The following FOCAD variants were observed in gnomAD, a reference collection of about 807,000 sequenced individuals.
FOCAD encodes the protein focadhesin.
In FOCAD, 198 loss-of-function variants were observed where a neutral mutation model predicts 225.6. That is an observed-to-expected ratio of 0.88 (90% CI 0.78 to 0.99). The LOEUF (loss-of-function observed/expected upper bound fraction) is 0.99, where lower values mean the gene tolerates loss of function less well. FOCAD is among the 50% of genes least tolerant of loss of function. The probability of loss-of-function intolerance (pLI) is 0.00; values close to 1 mark genes in which losing one functional copy is unlikely to be tolerated. For missense variants in FOCAD, 2,713 were observed against 2,123.6 expected, an observed-to-expected ratio of 1.28 and a Z score of -5.46; for synonymous variants, 897 against 755.0, an observed-to-expected ratio of 1.19 and a Z score of -3.08.
intron 42 of FOCAD, 86 bp downstream of exon 42, chr9:20,990,460 G>A (rs115882530): frequency 1.3e-6 from 2 of 1,485,686 alleles, no homozygotes; most frequent in African/African-American, 2.8e-5. Context: ...TGGGAGTTAA[G>A]TGCGTCTTGA....
chr9:20,848,184 T>C (rs1488501844), intron 15 of FOCAD, among the ~76,000 whole-genome samples: 2 of 144,188 alleles, frequency 1.4e-5, no homozygotes, highest in Non-Finnish European at 3.1e-5. Context: ...GTCTGTATGC[T>C]TAGCTTCAAG....
intron 35 of FOCAD, among the ~76,000 whole-genome samples, chr9:20,963,396 C>T (rs2132478598): frequency 6.6e-6 from 1 of 152,282 alleles, no homozygotes; most frequent in Admixed American, 6.5e-5. Flanking sequence ...GGTCATATTT[C>T]ACATGGGGTC....
chr9:20,854,734 C>T (rs1464755270), intron 15 of FOCAD, among the ~76,000 whole-genome samples: 2 of 151,736 alleles, frequency 1.3e-5, no homozygotes, highest in East Asian at 3.8e-4. Flanking sequence ...ATCTTATAGA[C>T]AGACTAAGCA....
In FOCAD at chr9:20,815,123, G is replaced by GTGTTTTTTTTTTTTTTTTT. The variant is rs1564024181; in HGVS notation, c.1456-4672_1456-4671insGTTTTTTTTTTTTTTTTTT. Among the ~76,000 whole-genome samples, 99 of 85,390 alleles carry GTGTTTTTTTTTTTTTTTTT rather than the reference G, an allele frequency of 1.2e-3. 22 individuals are homozygous for GTGTTTTTTTTTTTTTTTTT. The highest frequency in any genetic ancestry group is 1.5e-3 in the Non-Finnish European group (68 of 44,552). 56.0% of individuals were successfully genotyped at this position (85,390 alleles called of 152,430 possible). A position where few individuals can be genotyped will look rare whatever the true frequency, so the allele number is the denominator to read the frequency against. Reference sequence around the variant, plus strand: ...TCTGGAAATATCATTACTTCTCTTTGTTTTTTTTTTTTTGTTTTTTTTTTT... The same window carrying GTGTTTTTTTTTTTTTTTTT: ...TCTGGAAATATCATTACTTCTCTTTGTGTTTTTTTTTTTTTTTTTTTTTTTTTTTTTTGTTTTTTTTTTT... On this transcript the variant is annotated intron_variant, in intron 11 of 43. Transcript: ENST00000338382.
chr9:20,971,699 A>G (rs1292520176), intron 35 of FOCAD, among the ~76,000 whole-genome samples: 1 of 152,184 alleles, frequency 6.6e-6, no homozygotes, highest in Non-Finnish European at 1.5e-5. Flanking sequence ...ACAGTTCTCC[A>G]GAACTTTTCA....
chr9:20,903,650 G>A (rs1832728055), intron 21 of FOCAD, among the ~76,000 whole-genome samples: 3 of 151,764 alleles, frequency 2.0e-5, no homozygotes, highest in African/African-American at 7.3e-5. Flanking sequence ...TTTGTCTATT[G>A]TAGTTAGACT....
At chr9:20,836,368 T>C (rs1461173625) in intron 15 of FOCAD, among the ~76,000 whole-genome samples, 1 of 152,102 alleles carries the variant, frequency 6.6e-6, no homozygotes, top group African/African-American at 2.4e-5. Flanking sequence ...TCTTTTGTTG[T>C]TCTTATGTTT....
At chr9:20,817,455 G>GT (rs995830485) in intron 11 of FOCAD, among the ~76,000 whole-genome samples, 25 of 151,438 alleles carry the variant, frequency 1.7e-4, no homozygotes, top group African/African-American at 5.6e-4. Flanking sequence ...TTTTGTGGCT[G>GT]TTTTTTTTCT....
At chr9:20,901,312 T>C (rs1832543538) in intron 21 of FOCAD, among the ~76,000 whole-genome samples, 1 of 151,650 alleles carries the variant, frequency 6.6e-6, no homozygotes, top group Admixed American at 6.6e-5. Flanking sequence ...TTTATTTTGA[T>C]AATAACATTT....
chr9:20,705,611 A>G (rs926291913), intron 1 of FOCAD, among the ~76,000 whole-genome samples: 1 of 152,136 alleles, frequency 6.6e-6, no homozygotes, highest in Non-Finnish European at 1.5e-5. Context: ...TTTATTTTAA[A>G]TATACTGTAA....
chr9:20,981,748 TG>T, intron 38 of FOCAD, 62 bp downstream of exon 38: 1 of 1,537,992 alleles, frequency 6.5e-7, no homozygotes, highest in East Asian at 2.3e-5. Flanking sequence ...AAAGGCTTCT[TG>T]GCAAAGTGGG....
chr9:20,682,223 T>C (rs1563872499), upstream of FOCAD, among the ~76,000 whole-genome samples: 1 of 152,364 alleles, frequency 6.6e-6, no homozygotes, highest in Admixed American at 6.5e-5. Flanking sequence ...TGTTTATAAA[T>C]TACCCAGTCT....
rs142533660 is a variant in FOCAD at position 20,674,292 on chromosome 9, G to A, written c.-78+15466G>A. Among the ~76,000 whole-genome samples, 570 of 151,800 alleles carry A rather than the reference G, an allele frequency of 3.8e-3. 11 individuals are homozygous for A. The East Asian group carries it at 0.064, about 17-fold the overall frequency. The stretch of plus-strand genomic sequence containing the variant: ...GGTTATTTATGCTATTGTCTCTATG[G>A]TGGAAATATTATACAATTATGTGTA... On this transcript the variant is annotated intron_variant, in intron 2 of 45. Coordinates refer to the FOCAD transcript ENST00000380249.
intron 35 of FOCAD, among the ~76,000 whole-genome samples, chr9:20,975,025 C>G (rs575339378): frequency 2.6e-4 from 39 of 152,206 alleles, no homozygotes; most frequent in African/African-American, 8.9e-4. Flanking sequence ...GATTCAGGTG[C>G]TTTTTTGCTG....
intron 20 of FOCAD, among the ~76,000 whole-genome samples, chr9:20,883,682 G>C (rs1426883649): frequency 6.6e-6 from 1 of 152,214 alleles, no homozygotes; most frequent in East Asian, 1.9e-4. Context: ...AAATGGAAAT[G>C]AGAAGATAGT....
chr9:20,941,877 G>C (rs1836691985), intron 28 of FOCAD, among the ~76,000 whole-genome samples: 1 of 152,160 alleles, frequency 6.6e-6, no homozygotes, highest in South Asian at 2.1e-4. Flanking sequence ...AAAGCTGGCA[G>C]ACATATCAAA....
At position 20,849,966 on chromosome 9, in the gene FOCAD, A is replaced by G. The variant is rs188713965; in HGVS notation, c.1921-12612A>G. On this transcript the variant is annotated intron_variant, in intron 15 of 43. Coordinates refer to ENST00000338382, the MANE Select transcript of FOCAD (RefSeq NM_001375567.1). ...ATTTTTGGGGAAGCATTTTTTATCA[A>G]GGAACCATCTTGCTCTTCTACTGAG... Among the ~76,000 whole-genome samples the G allele has an allele frequency of 6.3e-3, 959 of 152,010 alleles. 6 individuals are homozygous for G. Among genetic ancestry groups the G allele is most frequent in the Non-Finnish European group, 9.1e-3 (617 of 67,882 alleles).
intron 6 of FOCAD, among the ~76,000 whole-genome samples, chr9:20,761,899 A>T (rs1829637182): frequency 6.6e-6 from 1 of 152,074 alleles, no homozygotes; most frequent in African/African-American, 2.4e-5. Flanking sequence ...ATTTTTTCCT[A>T]AGCCCTGGTA....
chr9:20,989,528 GCATGAAGAAGCTGGGCACAATGGCA>G (rs1841469711), intron 41 of FOCAD, among the ~76,000 whole-genome samples: 1 of 152,118 alleles, frequency 6.6e-6, no homozygotes, highest in Non-Finnish European at 1.5e-5. Flanking sequence ...TGTTTAAAAT[GCATGAAGAAGCTGGGCACAATGGCA>G]CATGTCTATA....
Sources: allele counts gnomAD v4.1 joint callset (sites outside exome capture counted in the v4.1 genomes callset), GRCh38; gene constraint gnomAD v4.1.1; transcripts MANE v1.5; gene names NCBI Gene and HGNC (gene_info 2026-07-23, HGNC 2026-07-21).